ZNF417: variants seen among roughly 807,000 people sequenced by gnomAD.
The protein encoded by ZNF417 is zinc finger protein 417.
Under a neutral mutation model 7.4 loss-of-function variants are expected in ZNF417, and 5 were observed. The observed-to-expected ratio is 0.68, with a 90% CI of 0.35 to 1.43. ZNF417 has a LOEUF of 1.43. Ranked by LOEUF, ZNF417 falls within the 40% of genes most tolerant of loss-of-function variation. The pLI, the probability that ZNF417 is intolerant of heterozygous loss-of-function variation, is 0.04. For missense variants in ZNF417, 437 were observed against 697.3 expected (o/e 0.63, Z 4.20); for synonymous variants, 147 against 239.1 (o/e 0.61, Z 3.55).
rs73068597 is a variant in ZNF417 at position 57,907,812 on chromosome 19, G to A, written c.*738C>T. ...AAGTGCAATGACAGTGTCTGCACAGGGACTGGAGATTATCTCCAGAAAAGA... is the reference window on the plus strand; with the variant it reads ...AAGTGCAATGACAGTGTCTGCACAGAGACTGGAGATTATCTCCAGAAAAGA... On this transcript the variant is annotated 3_prime_UTR_variant, in exon 3 of 3. Transcript: ENST00000312026. 0.25 allele frequency: 38,896 copies of A among 153,612 alleles called. 5,354 individuals are homozygous for A. Among genetic ancestry groups the A allele is most frequent in the Non-Finnish European group, 0.31 (21,313 of 68,142 alleles). 9.5% of individuals were successfully genotyped at this position (153,612 alleles called of 1,614,324 possible).
In ZNF417 at chr19:57,916,396, G is replaced by T; in HGVS notation, c.16C>A (p.Pro6Thr). Residue 6 changes from proline (P) to threonine (T), a missense_variant, in exon 1 of 3, where the codon CCG becomes ACG. Around this residue, in one of 5 missense-constraint regions of ZNF417, gnomAD observed 57 missense variants for 70.7 expected, o/e 0.81. Transcript: ENST00000312026. MAAAA[P>T]RRPTQQGTVT... Reference sequence around the variant, plus strand: ...ACAATTACCTGAGTCGGGCGCCTCGGCGCAGCCGCTGCCATCGGACTACTT... The same window carrying T: ...ACAATTACCTGAGTCGGGCGCCTCGTCGCAGCCGCTGCCATCGGACTACTT... 6.2e-7 allele frequency: 1 copy of T among 1,614,146 alleles called. No individual in the cohort carries two copies. Among genetic ancestry groups the T allele is most frequent in the Non-Finnish European group, 8.5e-7 (1 of 1,180,044 alleles).
Position 57,907,826 on chromosome 19 carries a change from C to T in ZNF417, c.*724G>A, listed in dbSNP as rs897282012. ...TGTCTGCACAGGGACTGGAGATTATCTCCAGAAAAGAGCTTGGAGTGAGGA... is the reference window on the plus strand; with the variant it reads ...TGTCTGCACAGGGACTGGAGATTATTTCCAGAAAAGAGCTTGGAGTGAGGA... On this transcript the variant is annotated 3_prime_UTR_variant, in exon 3 of 3. Transcript: ENST00000312026. 3.9e-5 allele frequency: 6 copies of T among 153,248 alleles called. No individual in the cohort carries two copies. The highest frequency in any genetic ancestry group is 1.4e-4 in the African/African-American group (6 of 41,486). The allele number at this position is 153,248 out of a possible 1,614,324, so 9.5% of individuals were successfully genotyped here.
In ZNF417 at chr19:57,916,308, C is replaced by T; in HGVS notation, c.33+71G>A. On this transcript the variant is annotated intron_variant, in intron 1 of 2. Transcript: ENST00000312026. ...CCGGCTACAGACCCGTGAGCAGGAG[C>T]CGCTCCCTCGCTGGTTTAGGACCTG... 5 of 1,612,900 alleles carry T rather than the reference C, an allele frequency of 3.1e-6. No individual in the cohort carries two copies. The South Asian group carries it at 5.5e-5, about 18-fold the overall frequency.
chr19:57,908,611 G>A lies in ZNF417; in HGVS notation c.1667C>T (p.Thr556Ile), dbSNP rs2071859392. The change falls in exon 3 of 3, where the codon ACA (threonine) becomes ATA (isoleucine). Residue 556 changes from threonine to isoleucine, a missense_variant. Coordinates refer to ENST00000312026, the MANE Select transcript of ZNF417 (RefSeq NM_152475.3). ...AAGGAGGGTAGAGCTTCGCTGAAAT[G>A]TTTTTCCACATTTGGTACATTCATA... The part of the protein sequence containing the change: ...RPYECTKCGK[T>I]FQRSSTLLHH... 3.7e-6 allele frequency: 6 copies of A among 1,613,816 alleles called. No homozygotes were observed. The highest frequency in any genetic ancestry group is 5.1e-6 in the Non-Finnish European group (6 of 1,180,016).
In ZNF417 at chr19:57,909,106, T is replaced by A; in HGVS notation, c.1172A>T (p.Gln391Leu). The A allele has an allele frequency of 6.2e-7, 1 of 1,614,202 alleles. No individual in the cohort carries two copies. The highest frequency in any genetic ancestry group is 2.2e-5 in the East Asian group (1 of 44,876). The change falls in exon 3 of 3, where the codon CAA becomes CTA. Residue 391 changes from glutamine to leucine, a missense_variant. Gln to Leu is a moderately radical substitution (Grantham distance 113). Around this residue, in one of 5 missense-constraint regions of ZNF417, gnomAD observed 233 missense variants for 235.5 expected, o/e 0.99. Transcript: ENST00000312026. ...CTGATGTTGAACGAGGTTGCCCTTTTGACCAAAAGATTTTCCACATTCTCC... is the reference window on the plus strand; with the variant it reads ...CTGATGTTGAACGAGGTTGCCCTTTAGACCAAAAGATTTTCCACATTCTCC... Reference protein sequence around the residue: ...KCGECGKSFGQKGNLVQHQRG... With the variant: ...KCGECGKSFGLKGNLVQHQRG...
intron 1 of ZNF417, among the ~76,000 whole-genome samples, chr19:57,913,244 A>G (rs1230456678): frequency 6.6e-6 from 1 of 152,178 alleles, no homozygotes; most frequent in East Asian, 1.9e-4. Flanking sequence ...ACTATGCTTG[A>G]CAAATACAAA....
At chr19:57,910,171 C>A in intron 2 of ZNF417, 57 bp from the exon 3 acceptor site, 1 of 1,563,592 alleles carries the variant, frequency 6.4e-7, no homozygotes, top group Non-Finnish European at 8.6e-7. Flanking sequence ...AAGGCACAGC[C>A]CACCCACAAG....
intron 1 of ZNF417, chr19:57,915,497 C>T: frequency 2.0e-6 from 1 of 498,212 alleles, no homozygotes; most frequent in Non-Finnish European, 3.7e-6. Flanking sequence ...CCACGGGTGT[C>T]AGAAACAGGT....
rs2122532464 is a variant in ZNF417, at chr19:57,912,161, G to A, written c.62C>T (p.Ala21Val). 6.2e-7 allele frequency: 1 copy of A among 1,612,944 alleles called. No homozygotes were observed. The highest frequency in any genetic ancestry group is 8.5e-7 in the Non-Finnish European group (1 of 1,179,676). Residue 21 changes from alanine (A) to valine (V), a missense_variant, in exon 2 of 3, where the codon GCT (alanine) becomes GTT (valine). Around this residue, in one of 5 missense-constraint regions of ZNF417, gnomAD observed 57 missense variants for 70.7 expected, o/e 0.81. Coordinates refer to ENST00000312026, the MANE Select transcript of ZNF417 (RefSeq NM_152475.3). ...QQGTVTFEDVAVNFSQEEWCL... is the reference protein window; with the variant it reads ...QQGTVTFEDVVVNFSQEEWCL... ...CCACTCCTCCTGGGAAAAGTTCACAGCCACATCTTCAAAGGTCACAGTGCC... is the reference window on the plus strand; with the variant it reads ...CCACTCCTCCTGGGAAAAGTTCACAACCACATCTTCAAAGGTCACAGTGCC...
intron 2 of ZNF417, among the ~76,000 whole-genome samples, chr19:57,911,181 T>C (rs1175613125): frequency 6.6e-6 from 1 of 152,192 alleles, no homozygotes; most frequent in African/African-American, 2.4e-5. Flanking sequence ...CAGAGACAAG[T>C]GCAGATGAAA....
In ZNF417 at chr19:57,906,480, A is replaced by G. The variant is rs1254693955; in HGVS notation, c.*2070T>C. ...ATGCTATCATAGGATTTCTAGGGATAAGCCGAGTGCCGTGGCAGATGCCTG... is the reference window on the plus strand; with the variant it reads ...ATGCTATCATAGGATTTCTAGGGATGAGCCGAGTGCCGTGGCAGATGCCTG... On this transcript the variant is annotated 3_prime_UTR_variant, in exon 3 of 3. Transcript: ENST00000312026. Among the ~76,000 whole-genome samples, 1 of 151,990 alleles carries G rather than the reference A, an allele frequency of 6.6e-6. No individual in the cohort carries two copies. Among genetic ancestry groups the G allele is most frequent in the Non-Finnish European group, 1.5e-5 (1 of 68,010 alleles).
At chr19:57,910,943 G>A (rs1197325852) in intron 2 of ZNF417, among the ~76,000 whole-genome samples, 1 of 152,246 alleles carries the variant, frequency 6.6e-6, no homozygotes, top group African/African-American at 2.4e-5. Flanking sequence ...TACTTGGGCG[G>A]CTGAGGCAGG....
rs2071822790 is a variant in ZNF417 at position 57,906,012 on chromosome 19, C to CT, written c.*2537dup. ...GCAGGGCCTTGCTCTTTTGCCCAGG[C>CT]TAGAGTGCAGTGGTACCATCTCAGC... On this transcript the variant is annotated 3_prime_UTR_variant, in exon 3 of 3. Coordinates refer to ENST00000312026, the MANE Select transcript of ZNF417 (RefSeq NM_152475.3). Among the ~76,000 whole-genome samples the CT allele has an allele frequency of 6.6e-6, 1 of 152,076 alleles. No homozygotes were observed. Among genetic ancestry groups the CT allele is most frequent in the African/African-American group, 2.4e-5 (1 of 41,404 alleles).
Position 57,916,533 on chromosome 19 carries a change from C to T in ZNF417, c.-122G>A. ...TAGGTTCAGTCACCGCGGTCCCCCCCCAGCACTCAGGGGCCACAAACTGGG... is the reference window on the plus strand; with the variant it reads ...TAGGTTCAGTCACCGCGGTCCCCCCTCAGCACTCAGGGGCCACAAACTGGG... On this transcript the variant is annotated 5_prime_UTR_variant, in exon 1 of 3. Coordinates refer to ENST00000312026, the MANE Select transcript of ZNF417 (RefSeq NM_152475.3). 5 of 1,563,204 alleles carry T rather than the reference C, an allele frequency of 3.2e-6. No homozygotes were observed. The highest frequency in any genetic ancestry group is 4.3e-6 in the Non-Finnish European group (5 of 1,155,394).
chr19:57,911,959 C>T (rs753581270), intron 2 of ZNF417, 101 bp downstream of exon 2: 3 of 1,498,534 alleles, frequency 2.0e-6, no homozygotes, highest in Non-Finnish European at 2.7e-6. Flanking sequence ...TAGAAGGAAC[C>T]TGTGTCCAGG....
At chr19:57,912,959 T>G (rs2071913217) in intron 1 of ZNF417, among the ~76,000 whole-genome samples, 1 of 151,834 alleles carries the variant, frequency 6.6e-6, no homozygotes, top group Admixed American at 6.6e-5. Context: ...TAACGGCCCA[T>G]GATTCCCTTG....
chr19:57,909,447 A>T lies in ZNF417; in HGVS notation c.831T>A (p.Tyr277Ter), dbSNP rs752493249. 1 of 1,613,832 alleles carries T rather than the reference A, an allele frequency of 6.2e-7. No individual in the cohort carries two copies. Among genetic ancestry groups the T allele is most frequent in the Non-Finnish European group, 8.5e-7 (1 of 1,179,944 alleles). ...GTTGAATAAGGCTGCTCTTTCGACT[A>T]TAAGATTTCCCACACTCTCCACAAT... is the stretch of plus-strand genomic sequence containing the variant. ...PYDCGECGKS[Y>*]SRKSSLIQHQ... The change falls in exon 3 of 3, where the codon TAT becomes TAA. Residue 277 changes from tyrosine (Y) to a stop codon, truncating the protein, a stop_gained. Coordinates refer to ENST00000312026, the MANE Select transcript of ZNF417 (RefSeq NM_152475.3). LOFTEE classifies it low-confidence loss of function (END_TRUNC).
In ZNF417 at chr19:57,912,217, A is replaced by G. The variant is rs113637695; in HGVS notation, c.34-28T>C. On this transcript the variant is annotated intron_variant, in intron 1 of 2. Coordinates refer to ENST00000312026, the MANE Select transcript of ZNF417 (RefSeq NM_152475.3). The stretch of plus-strand genomic sequence containing the variant: ...ATGATAGTGACAGATGAAACCACAA[A>G]CAGCCCCTCTGCTGAGGTACCACAA... 223 of 1,610,580 alleles carry G rather than the reference A, an allele frequency of 1.4e-4. 1 individual carries two copies. Among genetic ancestry groups the G allele is most frequent in the Middle Eastern group, 8.3e-4 (5 of 6,052 alleles).
At chr19:57,915,113 C>A (rs147298697) in intron 1 of ZNF417, among the ~76,000 whole-genome samples, 384 of 152,268 alleles carry the variant, frequency 2.5e-3, no homozygotes, top group Non-Finnish European at 3.6e-3. Flanking sequence ...GTCCCTGGAA[C>A]CAGGTAACCC....
Sources: gnomAD v4.1 joint callset for allele counts (sites outside exome capture counted in the v4.1 genomes callset) on GRCh38, gnomAD v4.1.1 for gene constraint, gnomAD v4.1.1 regional missense constraint, MANE v1.5 for transcripts, NCBI Gene and HGNC (gene_info 2026-07-23, HGNC 2026-07-21) for gene names.